Variants in TNR observed in about 807,000 individuals in gnomAD.
The protein encoded by TNR is tenascin-R.
Under a neutral mutation model 150.4 loss-of-function variants are expected in TNR, and 45 were observed. That is an observed-to-expected ratio of 0.30 (90% CI 0.24 to 0.38). The LOEUF (loss-of-function observed/expected upper bound fraction) is 0.38, where lower values mean the gene tolerates loss of function less well. TNR is among the 10% of genes least tolerant of loss of function. The pLI is 1.00. For missense variants in TNR, 1,544 were observed against 1,759.1 expected (o/e 0.88, Z 2.19); for synonymous variants, 687 against 678.4 (o/e 1.01, Z -0.20).
chr1:175,465,165 G>C (rs1418027785), intron 2 of TNR, among the ~76,000 whole-genome samples: 1 of 152,212 alleles, frequency 6.6e-6, no homozygotes, highest in African/African-American at 2.4e-5. Context: ...CTGTTAAAAA[G>C]CTCGGCCAGC....
intron 1 of TNR, among the ~76,000 whole-genome samples, chr1:175,703,468 CTAAA>C (rs1157488212): frequency 6.6e-6 from 1 of 152,158 alleles, no homozygotes; most frequent in African/African-American, 2.4e-5. Context: ...TGAAAACTGC[CTAAA>C]TATATACCAG....
chr1:175,454,841 T>C (rs753871146), intron 2 of TNR, among the ~76,000 whole-genome samples: 8 of 152,206 alleles, frequency 5.3e-5, no homozygotes, highest in African/African-American at 1.9e-4. Context: ...GGTTTCTTCA[T>C]CTGCACGGTG....
At chr1:175,727,730 G>A (rs1323098107) in intron 1 of TNR, among the ~76,000 whole-genome samples, 5 of 152,180 alleles carry the variant, frequency 3.3e-5, no homozygotes, top group Admixed American at 6.5e-5. Context: ...AAGAAGCAGG[G>A]CCATGGCACC....
In TNR at chr1:175,332,579, C is replaced by G. The variant is rs114056526; in HGVS notation, c.3632-2344G>C. ...CTCCCTGTCTCCCTCTTACCTACATCATCAAGTAAAGACTTCTCTTTCTGA... is the reference window on the plus strand; with the variant it reads ...CTCCCTGTCTCCCTCTTACCTACATGATCAAGTAAAGACTTCTCTTTCTGA... On this transcript the variant is annotated intron_variant, in intron 20 of 22. Transcript: ENST00000367674. 7.9e-3 allele frequency among the ~76,000 whole-genome samples: 1,198 copies of G among 152,312 alleles called. 17 individuals are homozygous for G. Among genetic ancestry groups the G allele is most frequent in the African/African-American group, 0.027 (1,129 of 41,562 alleles).
At chr1:175,432,041 C>T (rs764328368) in intron 2 of TNR, among the ~76,000 whole-genome samples, 4 of 151,598 alleles carry the variant, frequency 2.6e-5, no homozygotes, top group African/African-American at 4.9e-5. Context: ...AGGCATCATG[C>T]GTGAGCCTCT....
chr1:175,713,097 G>A (rs886163183), intron 1 of TNR, among the ~76,000 whole-genome samples: 13 of 152,186 alleles, frequency 8.5e-5, no homozygotes, highest in Non-Finnish European at 5.9e-5. Context: ...AAGCAGGAGC[G>A]ATAATGCTGG....
intron 1 of TNR, among the ~76,000 whole-genome samples, chr1:175,612,990 G>A (rs1663645214): frequency 6.6e-6 from 1 of 152,130 alleles, no homozygotes; most frequent in Non-Finnish European, 1.5e-5. Context: ...CACAGCACCT[G>A]GTACCTTGAA....
intron 19 of TNR, among the ~76,000 whole-genome samples, chr1:175,336,611 T>C (rs1650264694): frequency 6.6e-6 from 1 of 152,228 alleles, no homozygotes; most frequent in South Asian, 2.1e-4. Flanking sequence ...CTGCCCTTAT[T>C]TTCCCTCACT....
chr1:175,346,311 A>T (rs547873306), intron 18 of TNR, among the ~76,000 whole-genome samples: 1 of 152,328 alleles, frequency 6.6e-6, no homozygotes, highest in African/African-American at 2.4e-5. Context: ...TATCCATAAG[A>T]ATCCAGAGCC....
At position 175,362,731 on chromosome 1, in the gene TNR, T is replaced by C; in HGVS notation, c.2786A>G (p.Tyr929Cys). ...CCGCACGCTGTTGAGGCTGATTTCGTATTCGGTAGCTGGGTTCAGTCTGGT... is the reference window on the plus strand; with the variant it reads ...CCGCACGCTGTTGAGGCTGATTTCGCATTCGGTAGCTGGGTTCAGTCTGGT... ...TITRLNPATE[Y>C]EISLNSVRGR... Residue 929 changes from tyrosine (Y) to cysteine (C), a missense_variant, in exon 14 of 23, where the codon TAC (tyrosine) becomes TGC (cysteine). Tyr to Cys is a radical substitution (Grantham distance 194, BLOSUM62 -2). Coordinates refer to ENST00000367674, the MANE Select transcript of TNR (RefSeq NM_003285.3). 1 of 1,614,100 alleles carries C rather than the reference T, an allele frequency of 6.2e-7. No individual in the cohort carries two copies. Among genetic ancestry groups the C allele is most frequent in the Non-Finnish European group, 8.5e-7 (1 of 1,179,994 alleles).
chr1:175,462,866 T>A (rs1656877767), intron 2 of TNR, among the ~76,000 whole-genome samples: 1 of 152,168 alleles, frequency 6.6e-6, no homozygotes, highest in Admixed American at 6.5e-5. Flanking sequence ...GAAAGGGCTA[T>A]AAGGGAGGGG....
intron 2 of TNR, among the ~76,000 whole-genome samples, chr1:175,455,459 G>C (rs1182209215): frequency 6.6e-6 from 1 of 152,202 alleles, no homozygotes; most frequent in Non-Finnish European, 1.5e-5. Flanking sequence ...CCTTTCAAAA[G>C]AAAGATCCTT....
chr1:175,471,881 A>G (rs1657308953), intron 2 of TNR, among the ~76,000 whole-genome samples: 1 of 152,154 alleles, frequency 6.6e-6, no homozygotes, highest in Non-Finnish European at 1.5e-5. Context: ...CACATGATAC[A>G]CCTGTACAAA....
At chr1:175,617,677 A>G (rs1571681139) in intron 1 of TNR, among the ~76,000 whole-genome samples, 1 of 152,224 alleles carries the variant, frequency 6.6e-6, no homozygotes, top group East Asian at 1.9e-4. Flanking sequence ...TGTGCGTTAA[A>G]GTCTGAGAAG....
intron 2 of TNR, among the ~76,000 whole-genome samples, chr1:175,453,687 T>C (rs1477730604): frequency 6.6e-6 from 1 of 152,062 alleles, no homozygotes; most frequent in Admixed American, 6.6e-5. Context: ...TCCTCCTACC[T>C]CAGCCTCCCA....
chr1:175,412,117 A>G (rs369431594), intron 2 of TNR, among the ~76,000 whole-genome samples: 1 of 152,186 alleles, frequency 6.6e-6, no homozygotes, highest in East Asian at 1.9e-4. Flanking sequence ...AAGATGAAGA[A>G]AATCAATCTC....
intron 3 of TNR, 88 bp downstream of exon 3, chr1:175,406,128 G>A: frequency 1.3e-6 from 2 of 1,505,306 alleles, no homozygotes; most frequent in South Asian, 2.7e-5. Context: ...TTCGCTGGAA[G>A]TGCATTGGTC....
intron 2 of TNR, among the ~76,000 whole-genome samples, chr1:175,455,770 C>G (rs1571464824): frequency 2.0e-5 from 3 of 152,192 alleles, no homozygotes; most frequent in African/African-American, 7.2e-5. Context: ...CTACTCCCAC[C>G]TGGGCTCCTT....
At chr1:175,725,089 G>T (rs1667443371) in intron 1 of TNR, among the ~76,000 whole-genome samples, 1 of 152,178 alleles carries the variant, frequency 6.6e-6, no homozygotes, top group South Asian at 2.1e-4. Context: ...TTAAGCAGGG[G>T]AGTGACATGA....
Sources: allele counts gnomAD v4.1 joint callset (sites outside exome capture counted in the v4.1 genomes callset), GRCh38; gene constraint gnomAD v4.1.1; transcripts MANE v1.5; gene names NCBI Gene and HGNC (gene_info 2026-07-23, HGNC 2026-07-21).